OR2L2: variants seen among roughly 807,000 people sequenced by gnomAD.
OR2L2 encodes olfactory receptor 2L2.
For synonymous variants in OR2L2, 156 were observed against 135.4 expected (o/e 1.15, Z -1.06); for missense variants, 378 against 375.2 (o/e 1.01, Z -0.06).
chr1:248,036,036 A>T (rs74659308), intron 2 of OR2L2, among the ~76,000 whole-genome samples: 2,646 of 152,302 alleles, frequency 0.017, 63 homozygotes, highest in African/African-American at 0.059. Flanking sequence ...CAGAATTTTC[A>T]TGAAATATTT....
At chr1:248,035,252 C>T (rs1267178153) in intron 1 of OR2L2, among the ~76,000 whole-genome samples, 1 of 151,906 alleles carries the variant, frequency 6.6e-6, no homozygotes, top group East Asian at 1.9e-4. Flanking sequence ...AGATCGAGAC[C>T]ATCCTGGCTA....
intron 1 of OR2L2, among the ~76,000 whole-genome samples, chr1:248,031,775 C>T (rs1033742474): frequency 6.6e-6 from 1 of 151,936 alleles, no homozygotes; most frequent in Non-Finnish European, 1.5e-5. Context: ...ATTTGCATTC[C>T]TAAACAGTTA....
Position 248,039,220 on chromosome 1 carries a change from G to A in OR2L2, c.*14G>A. 2 of 1,591,710 alleles carry A rather than the reference G, an allele frequency of 1.3e-6. No individual in the cohort carries two copies. The highest frequency in any genetic ancestry group is 1.2e-5 in the South Asian group (1 of 86,114). ...GTGAAAATGTAGACATACGTTCTGT[G>A]TTAGAGTCAAAGCGCTAGGTTCATA... On this transcript the variant is annotated 3_prime_UTR_variant, in exon 3 of 3. Coordinates refer to ENST00000641771, the MANE Select transcript of OR2L2 (RefSeq NM_001385855.1).
intron 1 of OR2L2, among the ~76,000 whole-genome samples, chr1:248,033,468 ACT>A (rs1470302643): frequency 6.6e-6 from 1 of 151,028 alleles, no homozygotes; most frequent in East Asian, 1.9e-4. Flanking sequence ...ACAGGGTCTC[ACT>A]CTGTCACACA....
rs1182596803 is a variant in OR2L2 at position 248,040,410 on chromosome 1, T to G, written c.*1204T>G. On this transcript the variant is annotated 3_prime_UTR_variant, in exon 3 of 3. Transcript: ENST00000641771. ...ACAGCAGTGGTGAATGACTGAATGG[T>G]CCTTGAGCAACACAGATTTGAACTG... 6.6e-6 allele frequency: 1 copy of G among 152,118 alleles called. No individual in the cohort carries two copies. The allele number at this position is 152,118 out of a possible 1,614,324, so 9.4% of individuals were successfully genotyped here. A position where few individuals can be genotyped will look rare whatever the true frequency, so the allele number is the denominator to read the frequency against.
intron 2 of OR2L2, among the ~76,000 whole-genome samples, chr1:248,037,580 A>T (rs1394562537): frequency 6.6e-6 from 1 of 152,202 alleles, no homozygotes; most frequent in Non-Finnish European, 1.5e-5. Context: ...TGTCTCATCA[A>T]ATATTAATCT....
At chr1:248,036,190 A>G (rs1420566273) in intron 2 of OR2L2, among the ~76,000 whole-genome samples, 1 of 152,018 alleles carries the variant, frequency 6.6e-6, no homozygotes, top group African/African-American at 2.4e-5. Context: ...CTGTAAGTAT[A>G]TGTTGGTCCT....
chr1:248,038,332 T>G lies in OR2L2; in HGVS notation c.65T>G (p.Ile22Ser), dbSNP rs765659763. ...TTGGGGCTGTTCCCACAATCAAGAATTGGCCTTTTCGTATTCACCCTCATT... is the reference window on the plus strand; with the variant it reads ...TTGGGGCTGTTCCCACAATCAAGAAGTGGCCTTTTCGTATTCACCCTCATT... ...ILLGLFPQSR[I>S]GLFVFTLIFL... is the part of the protein sequence containing the mutation. Residue 22 changes from isoleucine (I) to serine (S), a missense_variant, in exon 3 of 3, where the codon ATT becomes AGT. Ile to Ser is a moderately radical substitution (Grantham distance 142). Coordinates refer to ENST00000641771, the MANE Select transcript of OR2L2 (RefSeq NM_001385855.1). 1.2e-6 allele frequency: 2 copies of G among 1,613,504 alleles called. No homozygotes were observed. Among genetic ancestry groups the G allele is most frequent in the African/African-American group, 2.7e-5 (2 of 74,908 alleles).
Position 248,038,633 on chromosome 1 carries a change from T to C in OR2L2, c.366T>C (p.Tyr122=), listed in dbSNP as rs1037479874. ...LLLTSMAYDR[Y]VAICFPLHYP... ...TGACATCAATGGCCTATGATCGTTA[T>C]GTGGCCATTTGCTTTCCTCTCCACT... Residue 122 remains tyrosine (Y), a synonymous_variant, in exon 3 of 3, where the codon TAT becomes TAC. Coordinates refer to ENST00000641771, the MANE Select transcript of OR2L2 (RefSeq NM_001385855.1). 5 of 1,614,136 alleles carry C rather than the reference T, an allele frequency of 3.1e-6. No homozygotes were observed. The highest frequency in any genetic ancestry group is 4.2e-6 in the Non-Finnish European group (5 of 1,179,958).
rs6658141 is a variant in OR2L2 at position 248,039,042 on chromosome 1, G to C, written c.775G>C (p.Val259Leu). The change falls in exon 3 of 3, where the codon GTA becomes CTA. Residue 259 changes from valine (V) to leucine (L), a missense_variant. Coordinates refer to ENST00000641771, the MANE Select transcript of OR2L2 (RefSeq NM_001385855.1). ...FYYAPFAYTYVRPRSLRSPTE... is the reference protein window; with the variant it reads ...FYYAPFAYTYLRPRSLRSPTE... ...CTATGCACCCTTTGCTTATACCTATGTACGTCCAAGATCCCTGCGATCTCC... is the reference window on the plus strand; with the variant it reads ...CTATGCACCCTTTGCTTATACCTATCTACGTCCAAGATCCCTGCGATCTCC... 292,228 of 1,613,678 alleles carry C rather than the reference G, an allele frequency of 0.18. 38,186 individuals carry two copies. Among genetic ancestry groups the C allele is most frequent in the African/African-American group, 0.69 (51,273 of 74,836 alleles).
chr1:248,038,990 C>A lies in OR2L2; in HGVS notation c.723C>A (p.Ser241Arg), dbSNP rs769759613. Residue 241 changes from serine (S) to arginine (R), a missense_variant, in exon 3 of 3, where the codon AGC (serine) becomes AGA (arginine). Transcript: ENST00000641771. ...GGAAGAAGGCCTATTCAACCTGTAGCACCCACCTCACTGTAGTGTCCTTCT... is the reference window on the plus strand; with the variant it reads ...GGAAGAAGGCCTATTCAACCTGTAGAACCCACCTCACTGTAGTGTCCTTCT... ...EGRKKAYSTC[S>R]THLTVVSFYY... The A allele has an allele frequency of 4.3e-6, 7 of 1,614,104 alleles. No individual in the cohort carries two copies. The Admixed American group carries it at 1.2e-4, about 27-fold the overall frequency.
chr1:248,031,016 CA>C (rs1662605780), intron 1 of OR2L2, among the ~76,000 whole-genome samples: 1 of 151,978 alleles, frequency 6.6e-6, no homozygotes, highest in Non-Finnish European at 1.5e-5. Flanking sequence ...AGGAGAGTTA[CA>C]AAAATGAAAG....
At chr1:248,033,079 A>G (rs1222743576) in intron 1 of OR2L2, among the ~76,000 whole-genome samples, 1 of 152,212 alleles carries the variant, frequency 6.6e-6, no homozygotes, top group African/African-American at 2.4e-5. Flanking sequence ...TAGTAAATGT[A>G]TATTTTACTT....
At chr1:248,035,036 A>G (rs1429413509) in intron 1 of OR2L2, among the ~76,000 whole-genome samples, 1 of 150,040 alleles carries the variant, frequency 6.7e-6, no homozygotes, top group Non-Finnish European at 1.5e-5. Context: ...TTAAGATAAC[A>G]TATTTATCTT....
rs768234492 is a variant in OR2L2, at chr1:248,038,422, T to C, written c.155T>C (p.Ile52Thr). 6.2e-7 allele frequency: 1 copy of C among 1,613,800 alleles called. No homozygotes were observed. Among genetic ancestry groups the C allele is most frequent in the South Asian group, 1.1e-5 (1 of 91,068 alleles). ...ATGATTCTTCTCATCTTTTTGGACA[T>C]CCATCTCCACACACCTATGTATTTC... is the stretch of plus-strand genomic sequence containing the variant. ...LSMILLIFLDIHLHTPMYFLL... is the reference protein window; with the variant it reads ...LSMILLIFLDTHLHTPMYFLL... The change falls in exon 3 of 3, where the codon ATC becomes ACC. Residue 52 changes from isoleucine (I) to threonine (T), a missense_variant. Ile to Thr is a moderately conservative substitution (Grantham distance 89). Coordinates refer to ENST00000641771, the MANE Select transcript of OR2L2 (RefSeq NM_001385855.1).
intron 2 of OR2L2, 135 bp downstream of exon 2, chr1:248,035,759 A>G (rs984655640): frequency 6.6e-6 from 1 of 152,208 alleles, no homozygotes; most frequent in African/African-American, 2.4e-5. Flanking sequence ...GCCACAGTCA[A>G]TAGTGACCTG....
Position 248,039,043 on chromosome 1 carries a change from T to G in OR2L2, c.776T>G (p.Val259Gly). 1 of 1,614,124 alleles carries G rather than the reference T, an allele frequency of 6.2e-7. No individual in the cohort carries two copies. Among genetic ancestry groups the G allele is most frequent in the South Asian group, 1.1e-5 (1 of 91,084 alleles). ...FYYAPFAYTY[V>G]RPRSLRSPTE... ...TATGCACCCTTTGCTTATACCTATG[T>G]ACGTCCAAGATCCCTGCGATCTCCA... The change falls in exon 3 of 3, where the codon GTA becomes GGA. Residue 259 changes from valine to glycine, a missense_variant. Coordinates refer to ENST00000641771, the MANE Select transcript of OR2L2 (RefSeq NM_001385855.1).
chr1:248,034,950 C>T (rs573098425), intron 1 of OR2L2, among the ~76,000 whole-genome samples: 28 of 151,872 alleles, frequency 1.8e-4, no homozygotes, highest in Non-Finnish European at 2.5e-4. Context: ...GTTTTCTTTG[C>T]GTGGAGTCCT....
In OR2L2 at chr1:248,039,029, T is replaced by A. The variant is rs1450981647; in HGVS notation, c.762T>A (p.Phe254Leu). The change falls in exon 3 of 3, where the codon TTT (phenylalanine) becomes TTA (leucine). Residue 254 changes from phenylalanine to leucine, a missense_variant. Phe to Leu is a conservative substitution (Grantham distance 22). Transcript: ENST00000641771. ...LTVVSFYYAP[F>L]AYTYVRPRSL... ...TAGTGTCCTTCTACTATGCACCCTTTGCTTATACCTATGTACGTCCAAGAT... is the reference window on the plus strand; with the variant it reads ...TAGTGTCCTTCTACTATGCACCCTTAGCTTATACCTATGTACGTCCAAGAT... 2 of 1,614,118 alleles carry A rather than the reference T, an allele frequency of 1.2e-6. No homozygotes were observed. The highest frequency in any genetic ancestry group is 1.7e-6 in the Non-Finnish European group (2 of 1,180,012).
Sources: allele counts gnomAD v4.1 joint callset (sites outside exome capture counted in the v4.1 genomes callset), GRCh38; gene constraint gnomAD v4.1.1; transcripts MANE v1.5; gene names NCBI Gene and HGNC (gene_info 2026-07-23, HGNC 2026-07-21).